Variants in MOB1B observed in about 807,000 individuals in gnomAD.
MOB1B encodes the protein MOB1 Mps One Binder homolog B.
Under a neutral mutation model 24.4 loss-of-function variants are expected in MOB1B, and 19 were observed. The observed-to-expected ratio is 0.78, with a 90% confidence interval of 0.54 to 1.14. The LOEUF (loss-of-function observed/expected upper bound fraction) is 1.14, where lower values mean the gene tolerates loss of function less well. Ranked by LOEUF, MOB1B falls within the 50% of genes most tolerant of loss-of-function variation. The pLI is 0.00. For missense variants in MOB1B, 243 were observed against 259.6 expected (o/e 0.94, Z 0.44); for synonymous variants, 76 against 82.1 (o/e 0.93, Z 0.40).
intron 1 of MOB1B, among the ~76,000 whole-genome samples, chr4:70,944,849 A>G (rs1413630019): frequency 6.6e-6 from 1 of 152,156 alleles, no homozygotes; most frequent in African/African-American, 2.4e-5. Context: ...TCACTATCAC[A>G]TAGACATCAC....
chr4:70,979,399 T>C, intron 5 of MOB1B, 108 bp downstream of exon 5: 1 of 791,038 alleles, frequency 1.3e-6, no homozygotes, highest in Non-Finnish European at 2.0e-6. Flanking sequence ...CATATCTCTG[T>C]AGTCTGCATC....
intron 2 of MOB1B, among the ~76,000 whole-genome samples, chr4:70,959,257 G>A (rs1316457644): frequency 6.6e-6 from 1 of 152,174 alleles, no homozygotes; most frequent in East Asian, 1.9e-4. Context: ...CTGGAAGGCT[G>A]GAGTACAGTG....
intron 1 of MOB1B, among the ~76,000 whole-genome samples, chr4:70,934,804 C>T (rs1737019228): frequency 6.6e-6 from 1 of 151,920 alleles, no homozygotes; most frequent in South Asian, 2.1e-4. Flanking sequence ...ATGCTGTCTC[C>T]GTAATTGTTT....
chr4:70,925,748 A>C (rs1397386104), intron 1 of MOB1B, among the ~76,000 whole-genome samples: 3 of 152,200 alleles, frequency 2.0e-5, no homozygotes, highest in Non-Finnish European at 4.4e-5. Flanking sequence ...GGTTTGAGAT[A>C]AGGTGAATAA....
intron 2 of MOB1B, among the ~76,000 whole-genome samples, chr4:70,968,304 T>C (rs1738618655): frequency 6.6e-6 from 1 of 152,204 alleles, no homozygotes; most frequent in Admixed American, 6.5e-5. Context: ...AAATTTTATT[T>C]GATTTCATTT....
intron 3 of MOB1B, among the ~76,000 whole-genome samples, chr4:70,970,756 C>G (rs1395187335): frequency 1.3e-5 from 2 of 152,030 alleles, no homozygotes; most frequent in East Asian, 3.9e-4. Context: ...GCCGTAGACT[C>G]AAAGAATTTA....
At chr4:70,929,846 C>T (rs1009069134) in intron 1 of MOB1B, among the ~76,000 whole-genome samples, 4 of 151,872 alleles carry the variant, frequency 2.6e-5, no homozygotes, top group Non-Finnish European at 4.4e-5. Context: ...GGGGTTTCGC[C>T]GTGGTCTCGA....
At chr4:70,918,571 T>C (rs112636694) in intron 1 of MOB1B, among the ~76,000 whole-genome samples, 4,337 of 151,800 alleles carry the variant, frequency 0.029, 180 homozygotes, top group African/African-American at 0.098. Context: ...TTTGAGTTCA[T>C]TGTAGATTCT....
chr4:70,972,843 G>T (rs757976909), intron 3 of MOB1B, among the ~76,000 whole-genome samples: 1 of 152,006 alleles, frequency 6.6e-6, no homozygotes, highest in East Asian at 1.9e-4. Context: ...GCGCGATCTC[G>T]GCTCACTGCA....
chr4:70,923,625 A>G (rs1736526917), intron 1 of MOB1B, among the ~76,000 whole-genome samples: 1 of 152,076 alleles, frequency 6.6e-6, no homozygotes, highest in Admixed American at 6.6e-5. Context: ...TAGGAGGAAT[A>G]TTTTTTATGT....
intron 1 of MOB1B, among the ~76,000 whole-genome samples, chr4:70,928,094 G>C (rs1470396463): frequency 6.6e-6 from 1 of 151,822 alleles, no homozygotes; most frequent in Admixed American, 6.6e-5. Flanking sequence ...TTCCCAGTTT[G>C]TTAGATACCA....
chr4:70,924,014 A>G (rs1736553159), intron 1 of MOB1B, among the ~76,000 whole-genome samples: 1 of 151,678 alleles, frequency 6.6e-6, no homozygotes, highest in Non-Finnish European at 1.5e-5. Context: ...GGAAATGTAT[A>G]ACTCTGTAAA....
At chr4:70,942,841 C>T (rs1737404644) in intron 1 of MOB1B, 3 of 892,464 alleles carry the variant, frequency 3.4e-6, no homozygotes, top group South Asian at 5.5e-5. Flanking sequence ...TTCATATTGT[C>T]GGATTATGAA....
At chr4:70,936,391 C>T (rs966316786) in intron 1 of MOB1B, among the ~76,000 whole-genome samples, 1 of 152,188 alleles carries the variant, frequency 6.6e-6, no homozygotes, top group African/African-American at 2.4e-5. Context: ...CAAACCCAAA[C>T]TGAAAGTAAA....
chr4:70,936,194 A>T (rs1229551951), intron 1 of MOB1B, among the ~76,000 whole-genome samples: 1 of 151,452 alleles, frequency 6.6e-6, no homozygotes. Context: ...GAATTTTGCC[A>T]TGTTGGCCAG....
chr4:70,924,610 C>G (rs1736577460), intron 1 of MOB1B, among the ~76,000 whole-genome samples: 1 of 152,142 alleles, frequency 6.6e-6, no homozygotes, highest in East Asian at 1.9e-4. Context: ...TTAGGTATTT[C>G]TCCTAATGCT....
At chr4:70,941,728 G>GTAT (rs1180806915) in intron 1 of MOB1B, among the ~76,000 whole-genome samples, 1 of 151,980 alleles carries the variant, frequency 6.6e-6, no homozygotes, top group Non-Finnish European at 1.5e-5. Context: ...AGAAACTTTG[G>GTAT]TATCTTTCTT....
At chr4:70,967,726 GA>G (rs200768127) in intron 2 of MOB1B, among the ~76,000 whole-genome samples, 11 of 151,726 alleles carry the variant, frequency 7.2e-5, no homozygotes, top group Non-Finnish European at 1.3e-4. Context: ...CAAAAAAAAG[GA>G]AAAAAAATAT....
intron 1 of MOB1B, among the ~76,000 whole-genome samples, chr4:70,927,679 T>C (rs1441061485): frequency 6.6e-6 from 1 of 152,136 alleles, no homozygotes; most frequent in Non-Finnish European, 1.5e-5. Flanking sequence ...TGCGGGGGCC[T>C]CCCCTGCTTG....
Sources: gnomAD v4.1 joint callset for allele counts (sites outside exome capture counted in the v4.1 genomes callset) on GRCh38, gnomAD v4.1.1 for gene constraint, MANE v1.5 for transcripts, NCBI Gene and HGNC (gene_info 2026-07-23, HGNC 2026-07-21) for gene names.